The following RARB variants were observed in gnomAD, a reference collection of about 807,000 sequenced individuals.
RARB encodes retinoic acid receptor beta.
RARB carries 17 observed loss-of-function variants against 51.9 expected under a neutral mutation model. That is an observed-to-expected ratio of 0.33 (90% CI 0.22 to 0.49). The LOEUF is 0.49. RARB is among the 20% of genes least tolerant of loss of function. The pLI is 0.99. For missense variants in RARB, 369 were observed against 550.8 expected (o/e 0.67, Z 3.30); for synonymous variants, 215 against 195.4 (o/e 1.10, Z -0.84).
chr3:25,138,382 G>C (rs1204312455), intron 4 of RARB, among the ~76,000 whole-genome samples: 1 of 150,666 alleles, frequency 6.6e-6, no homozygotes, highest in Non-Finnish European at 1.5e-5. Context: ...CCAGGTTCTA[G>C]GTTGAACATT....
At chr3:25,537,774 A>G (rs1039579605) in intron 3 of RARB, among the ~76,000 whole-genome samples, 2 of 152,240 alleles carry the variant, frequency 1.3e-5, no homozygotes, top group African/African-American at 4.8e-5. Flanking sequence ...AGTTTTAACT[A>G]TAATCAAAAT....
At chr3:25,242,368 G>A (rs1402272815) in intron 5 of RARB, among the ~76,000 whole-genome samples, 2 of 152,164 alleles carry the variant, frequency 1.3e-5, no homozygotes, top group Non-Finnish European at 1.5e-5. Context: ...TTTTGGTCAT[G>A]AAGTCTTTGC....
chr3:25,446,610 T>G (rs1213763005), intron 1 of RARB, among the ~76,000 whole-genome samples: 2 of 151,998 alleles, frequency 1.3e-5, no homozygotes, highest in Non-Finnish European at 2.9e-5. Context: ...GAGACCATCC[T>G]GGCGAACACG....
intron 3 of RARB, among the ~76,000 whole-genome samples, chr3:25,538,777 A>T (rs1699246331): frequency 6.6e-6 from 1 of 152,248 alleles, no homozygotes; most frequent in Non-Finnish European, 1.5e-5. Context: ...ACATCATTTC[A>T]TTTGGTGCAA....
chr3:24,843,205 G>A (rs1479860714), intron 1 of RARB, among the ~76,000 whole-genome samples: 4 of 152,146 alleles, frequency 2.6e-5, no homozygotes, highest in Non-Finnish European at 5.9e-5. Flanking sequence ...AGGTTTCACT[G>A]ACTGTCAAGG....
intron 2 of RARB, among the ~76,000 whole-genome samples, chr3:25,477,087 T>C (rs1695988310): frequency 1.3e-5 from 2 of 152,204 alleles, no homozygotes; most frequent in Non-Finnish European, 2.9e-5. Flanking sequence ...ACAATAGCTA[T>C]GGGGCAAATG....
upstream of RARB, among the ~76,000 whole-genome samples, chr3:25,426,718 G>A (rs1046693739): frequency 3.3e-5 from 5 of 152,318 alleles, no homozygotes; most frequent in Non-Finnish European, 7.3e-5. Flanking sequence ...GGAGAAAAAA[G>A]GGTGTTTTAA....
chr3:24,986,140 A>G (rs1253109081), intron 2 of RARB, among the ~76,000 whole-genome samples: 1 of 152,240 alleles, frequency 6.6e-6, no homozygotes, highest in East Asian at 1.9e-4. Flanking sequence ...ACTGTGCAGT[A>G]CAGTTCATTG....
chr3:25,305,642 A>G (rs898245309), intron 5 of RARB, among the ~76,000 whole-genome samples: 2 of 152,140 alleles, frequency 1.3e-5, no homozygotes, highest in African/African-American at 4.8e-5. Context: ...CCAGCCAGGC[A>G]GCTGGCTGTC....
At chr3:25,321,103 CT>C (rs34912795) in intron 5 of RARB, among the ~76,000 whole-genome samples, 2 of 152,124 alleles carry the variant, frequency 1.3e-5, no homozygotes, top group Non-Finnish European at 2.9e-5. Context: ...ACAAGCAGAT[CT>C]TTTTCAGTAC....
chr3:24,863,717 T>G (rs1702797739), intron 2 of RARB, among the ~76,000 whole-genome samples: 3 of 152,112 alleles, frequency 2.0e-5, no homozygotes, highest in Non-Finnish European at 4.4e-5. Flanking sequence ...ACTTTTTTTT[T>G]TTTTTAAAGG....
At chr3:25,254,786 G>A (rs1203791912) in intron 5 of RARB, among the ~76,000 whole-genome samples, 2 of 152,134 alleles carry the variant, frequency 1.3e-5, no homozygotes, top group East Asian at 1.9e-4. Flanking sequence ...GAAGAAGACA[G>A]TGTGATGATA....
intron 2 of RARB, among the ~76,000 whole-genome samples, chr3:24,884,944 C>G (rs1002306923): frequency 6.6e-6 from 1 of 152,122 alleles, no homozygotes; most frequent in Non-Finnish European, 1.5e-5. Context: ...TCCCCACACT[C>G]TCATAGATAA....
chr3:25,465,548 G>A (rs149736975), intron 2 of RARB, among the ~76,000 whole-genome samples: 1 of 152,236 alleles, frequency 6.6e-6, no homozygotes, highest in East Asian at 1.9e-4. Flanking sequence ...CATCCTCCTA[G>A]GGACTGGGTG....
intron 5 of RARB, among the ~76,000 whole-genome samples, chr3:25,232,725 A>G (rs771253804): frequency 6.6e-5 from 10 of 152,098 alleles, no homozygotes; most frequent in South Asian, 2.1e-4. Flanking sequence ...CAACTTTACA[A>G]TGGTCCAAAA....
intron 3 of RARB, among the ~76,000 whole-genome samples, chr3:25,108,496 G>C (rs950955615): frequency 2.0e-5 from 3 of 152,098 alleles, no homozygotes; most frequent in Non-Finnish European, 4.4e-5. Context: ...GATAAATAAC[G>C]GTGGGAGGTT....
chr3:25,049,784 C>A (rs1698290167), intron 2 of RARB, among the ~76,000 whole-genome samples: 1 of 152,200 alleles, frequency 6.6e-6, no homozygotes, highest in African/African-American at 2.4e-5. Context: ...TGATTCCCTG[C>A]AAATTTCATC....
At chr3:25,135,643 A>C (rs574090734) in intron 4 of RARB, among the ~76,000 whole-genome samples, 1 of 152,212 alleles carries the variant, frequency 6.6e-6, no homozygotes, top group South Asian at 2.1e-4. Context: ...CATTGATGTC[A>C]GTGAGAAGAC....
intron 5 of RARB, among the ~76,000 whole-genome samples, chr3:25,310,111 G>C (rs1161621602): frequency 1.2e-4 from 18 of 152,156 alleles, no homozygotes; most frequent in Non-Finnish European, 2.9e-5. Flanking sequence ...GTAGCTTCCA[G>C]GCCAACCATT....
Sources: gnomAD v4.1 joint callset for allele counts (sites outside exome capture counted in the v4.1 genomes callset) on GRCh38, gnomAD v4.1.1 for gene constraint, MANE v1.5 for transcripts, NCBI Gene and HGNC (gene_info 2026-07-23, HGNC 2026-07-21) for gene names.